The following CPVL variants were observed in gnomAD, a reference collection of about 807,000 sequenced individuals.
CPVL encodes the protein carboxypeptidase vitellogenic like, also known as probable serine carboxypeptidase CPVL.
CPVL carries 51 observed loss-of-function variants against 63.7 expected under a neutral mutation model. The observed-to-expected ratio is 0.80, with a 90% CI of 0.64 to 1.01. The LOEUF (loss-of-function observed/expected upper bound fraction) is 1.01, where lower values mean the gene tolerates loss of function less well. Among genes scored for constraint, CPVL ranks in the 50% least tolerant of loss-of-function variants. The pLI is 0.00. For missense variants in CPVL, 530 were observed against 573.1 expected (o/e 0.92, Z 0.77); for synonymous variants, 195 against 206.0 (o/e 0.95, Z 0.46).
intron 12 of CPVL, chr7:29,009,452 C>A (rs1433710504): frequency 6.6e-6 from 1 of 152,042 alleles, no homozygotes; most frequent in Non-Finnish European, 1.5e-5. Context: ...CAAAAATGTC[C>A]ATAGCAGCAC....
At chr7:29,030,104 T>C (rs557279019) in intron 12 of CPVL, among the ~76,000 whole-genome samples, 5 of 152,260 alleles carry the variant, frequency 3.3e-5, no homozygotes, top group Admixed American at 3.3e-4. Context: ...GAAGAGGACA[T>C]TGCAAGAAAG....
At chr7:29,113,045 G>A in intron 2 of CPVL, 1 of 447,716 alleles carries the variant, frequency 2.2e-6, no homozygotes. Context: ...AAGCCTTTGG[G>A]GAGGGGTGCC....
chr7:29,115,683 G>GA (rs1788714603), intron 2 of CPVL, among the ~76,000 whole-genome samples: 1 of 151,354 alleles, frequency 6.6e-6, no homozygotes, highest in Non-Finnish European at 1.5e-5. Flanking sequence ...CTGTGGATTG[G>GA]AAATGAGTGA....
chr7:29,005,598 C>T (rs1785114859), intron 12 of CPVL, among the ~76,000 whole-genome samples: 1 of 152,100 alleles, frequency 6.6e-6, no homozygotes, highest in African/African-American at 2.4e-5. Context: ...CCATTCTTTC[C>T]CTCCACCCTC....
chr7:29,141,425 C>T (rs1316634756), intron 1 of CPVL, among the ~76,000 whole-genome samples: 1 of 152,034 alleles, frequency 6.6e-6, no homozygotes, highest in Non-Finnish European at 1.5e-5. Flanking sequence ...TAGCACATGC[C>T]TGTAGTCCCA....
chr7:29,104,421 T>C (rs112749361), intron 3 of CPVL, among the ~76,000 whole-genome samples: 2,978 of 152,188 alleles, frequency 0.02, 107 homozygotes, highest in African/African-American at 0.069. Context: ...CCACAGCCCC[T>C]GGCTAATTTT....
upstream of CPVL, chr7:29,146,803 T>C (rs1371976370): frequency 6.5e-7 from 1 of 1,549,776 alleles, no homozygotes; most frequent in Non-Finnish European, 8.7e-7. Context: ...AAAGCTGCTA[T>C]CTTAAAATTT....
chr7:29,102,969 A>C (rs1205261119), intron 3 of CPVL, among the ~76,000 whole-genome samples: 1 of 152,110 alleles, frequency 6.6e-6, no homozygotes, highest in Non-Finnish European at 1.5e-5. Flanking sequence ...ATTGAAACAA[A>C]ACTAGTACTA....
chr7:29,179,868 C>G (rs906100547), intron 5 of CPVL, among the ~76,000 whole-genome samples: 1 of 152,104 alleles, frequency 6.6e-6, no homozygotes, highest in African/African-American at 2.4e-5. Flanking sequence ...TTATTGCAAG[C>G]AAATCAACTT....
chr7:29,159,227 T>C (rs756943374), intron 5 of CPVL, among the ~76,000 whole-genome samples: 1 of 152,188 alleles, frequency 6.6e-6, no homozygotes, highest in Non-Finnish European at 1.5e-5. Context: ...CCTTGAAAAT[T>C]ATTCAGCTTC....
intron 5 of CPVL, among the ~76,000 whole-genome samples, chr7:29,165,156 C>T (rs1394737764): frequency 6.6e-6 from 1 of 152,044 alleles, no homozygotes; most frequent in Non-Finnish European, 1.5e-5. Flanking sequence ...GAATAGATAT[C>T]TAAATAATAT....
upstream of CPVL, chr7:29,146,994 G>A (rs978367451): frequency 6.4e-7 from 1 of 1,550,512 alleles, no homozygotes; most frequent in Non-Finnish European, 8.7e-7. Context: ...GTCCTGCCAA[G>A]CACTCTCCTG....
intron 11 of CPVL, among the ~76,000 whole-genome samples, chr7:29,063,436 C>T (rs1320195067): frequency 6.6e-6 from 1 of 152,190 alleles, no homozygotes; most frequent in Non-Finnish European, 1.5e-5. Flanking sequence ...TAAGAGAAAT[C>T]TGGCTCTTAC....
chr7:29,169,210 A>G (rs948911230), intron 5 of CPVL, among the ~76,000 whole-genome samples: 1 of 152,224 alleles, frequency 6.6e-6, no homozygotes, highest in Non-Finnish European at 1.5e-5. Context: ...ATGTTACTCA[A>G]AATACATGGT....
chr7:29,119,358 A>T (rs1223596102), intron 2 of CPVL, among the ~76,000 whole-genome samples: 2 of 152,094 alleles, frequency 1.3e-5, no homozygotes, highest in Non-Finnish European at 2.9e-5. Context: ...GTGGTAGCAC[A>T]TGCCTGTAGT....
At chr7:29,180,478 G>A (rs937553758) in intron 5 of CPVL, among the ~76,000 whole-genome samples, 1 of 151,852 alleles carries the variant, frequency 6.6e-6, no homozygotes, top group South Asian at 2.1e-4. Flanking sequence ...AGTGAGCCGA[G>A]ATCGCGCCAC....
intron 11 of CPVL, among the ~76,000 whole-genome samples, chr7:29,061,326 T>TA (rs1253355337): frequency 1.3e-5 from 2 of 152,068 alleles, no homozygotes; most frequent in Admixed American, 6.5e-5. Context: ...GGCAGGAGAA[T>TA]CACTTGAACC....
rs1322319646 is a variant in CPVL, at chr7:28,995,614, C to A, written c.*158G>T. The A allele has an allele frequency of 1.7e-6, 1 of 605,572 alleles. No individual in the cohort carries two copies. Among genetic ancestry groups the A allele is most frequent in the African/African-American group, 1.9e-5 (1 of 52,186 alleles). The allele number at this position is 605,572 out of a possible 1,614,324, so 37.5% of individuals were successfully genotyped here. A position where few individuals can be genotyped will look rare whatever the true frequency, so the allele number is the denominator to read the frequency against. Reference sequence around the variant, plus strand: ...TAATTTTGTAGTAAACATCTCCCCCCAAAAACAAAAGCTCACTTGTTTCAA... The same window carrying A: ...TAATTTTGTAGTAAACATCTCCCCCAAAAAACAAAAGCTCACTTGTTTCAA... On this transcript the variant is annotated 3_prime_UTR_variant, in exon 13 of 13. Transcript: ENST00000265394.
chr7:29,011,749 A>T (rs1292225578), intron 12 of CPVL: 1 of 152,258 alleles, frequency 6.6e-6, no homozygotes, highest in African/African-American at 2.4e-5. Context: ...ACATACTTGT[A>T]TATTAGCACA....
Sources: gnomAD v4.1 joint callset for allele counts (sites outside exome capture counted in the v4.1 genomes callset) on GRCh38, gnomAD v4.1.1 for gene constraint, MANE v1.5 for transcripts, NCBI Gene and HGNC (gene_info 2026-07-23, HGNC 2026-07-21) for gene names.